Variants in CDH13 observed in about 807,000 individuals in gnomAD.
CDH13 encodes cadherin 13.
CDH13 carries 24 observed loss-of-function variants against 63.8 expected under a neutral mutation model. That is an observed-to-expected ratio of 0.38 (90% CI 0.27 to 0.53). The LOEUF (loss-of-function observed/expected upper bound fraction) is 0.53, where lower values mean the gene tolerates loss of function less well. CDH13 is among the 20% of genes least tolerant of loss of function. The probability of loss-of-function intolerance (pLI) is 0.85; values close to 1 mark genes in which losing one functional copy is unlikely to be tolerated. For missense variants in CDH13, 1,049 were observed against 903.1 expected, an observed-to-expected ratio of 1.16 and a Z score of -2.07; for synonymous variants, 503 against 355.3, an observed-to-expected ratio of 1.42 and a Z score of -4.67.
intron 4 of CDH13, among the ~76,000 whole-genome samples, chr16:83,202,509 T>C (rs897228547): frequency 2.6e-5 from 4 of 152,118 alleles, no homozygotes; most frequent in Admixed American, 1.3e-4. Flanking sequence ...TGTCTACACA[T>C]CCTTCCAATG....
At chr16:82,638,827 T>C (rs748216676) in intron 1 of CDH13, among the ~76,000 whole-genome samples, 6 of 152,208 alleles carry the variant, frequency 3.9e-5, no homozygotes, top group African/African-American at 4.8e-5. Context: ...AGTGTGTGCG[T>C]GTGTGCGTTT....
At chr16:83,607,719 G>A (rs530438534) in intron 8 of CDH13, among the ~76,000 whole-genome samples, 1 of 152,302 alleles carries the variant, frequency 6.6e-6, no homozygotes, top group East Asian at 1.9e-4. Context: ...TCTCTGTGGA[G>A]AGTTTTCTAT....
rs1212152864 is a variant in CDH13, at chr16:83,443,717, AAAAAAAAAAAAAAAAAAAATATATATAT to A, written c.782-42758_782-42731del. Among the ~76,000 whole-genome samples the A allele has an allele frequency of 1.5e-4, 15 of 99,044 alleles. 1 individual carries two copies. Among genetic ancestry groups the A allele is most frequent in the African/African-American group, 7.1e-4 (14 of 19,654 alleles). The allele number at this position is 99,044 out of a possible 152,430, so 65.0% of individuals were successfully genotyped here. Reference sequence around the variant, plus strand: ...GCGAAGTCCCTACGAAAAAAAAAAAAAAAAAAAAAAAAAAAAAAATATATATATATATATATATATATATATGGAGAGA... The same window carrying A: ...GCGAAGTCCCTACGAAAAAAAAAAAAATATATATATATATATATGGAGAGA... On this transcript the variant is annotated intron_variant, in intron 6 of 13. Coordinates refer to ENST00000567109, the MANE Select transcript of CDH13 (RefSeq NM_001257.5).
At chr16:83,163,942 A>C (rs2037554413) in intron 4 of CDH13, among the ~76,000 whole-genome samples, 1 of 152,172 alleles carries the variant, frequency 6.6e-6, no homozygotes, top group African/African-American at 2.4e-5. Context: ...AAATGTATTA[A>C]TTATGAACAT....
At chr16:83,073,202 G>C (rs1388911002) in intron 3 of CDH13, among the ~76,000 whole-genome samples, 1 of 152,058 alleles carries the variant, frequency 6.6e-6, no homozygotes, top group Non-Finnish European at 1.5e-5. Context: ...TTGGATTTGA[G>C]TACAGGTCGT....
At chr16:82,879,150 G>A (rs2040606549) in intron 2 of CDH13, among the ~76,000 whole-genome samples, 1 of 152,082 alleles carries the variant, frequency 6.6e-6, no homozygotes, top group South Asian at 2.1e-4. Flanking sequence ...TCACAGCTCT[G>A]GTCCTCATAG....
intron 8 of CDH13, among the ~76,000 whole-genome samples, chr16:83,614,009 AGATAC>A (rs1909079467): frequency 6.6e-6 from 1 of 152,190 alleles, no homozygotes; most frequent in Non-Finnish European, 1.5e-5. Flanking sequence ...ATCCATTAAT[AGATAC>A]TTCTGAGTCT....
At chr16:83,294,296 T>C (rs1447216015) in intron 5 of CDH13, among the ~76,000 whole-genome samples, 1 of 152,218 alleles carries the variant, frequency 6.6e-6, no homozygotes, top group Non-Finnish European at 1.5e-5. Context: ...TTGTTATTCA[T>C]TGTAGTTGCC....
At chr16:82,721,956 C>G (rs1281381078) in intron 1 of CDH13, among the ~76,000 whole-genome samples, 1 of 152,106 alleles carries the variant, frequency 6.6e-6, no homozygotes, top group Non-Finnish European at 1.5e-5. Context: ...TGGGGCGTGT[C>G]ACATGCTTGA....
chr16:83,025,024 G>T (rs1472350103), intron 2 of CDH13, among the ~76,000 whole-genome samples: 1 of 152,176 alleles, frequency 6.6e-6, no homozygotes, highest in Admixed American at 6.5e-5. Context: ...TAGAAGGAAT[G>T]ACAGAGGAGG....
At chr16:83,421,461 T>A (rs1372887776) in intron 6 of CDH13, among the ~76,000 whole-genome samples, 1 of 152,340 alleles carries the variant, frequency 6.6e-6, no homozygotes, top group South Asian at 2.1e-4. Context: ...GCATGTTGAC[T>A]TCTTGTCCCT....
chr16:82,983,981 C>T (rs937958875), intron 2 of CDH13, among the ~76,000 whole-genome samples: 23 of 152,192 alleles, frequency 1.5e-4, no homozygotes, highest in Admixed American at 3.9e-4. Flanking sequence ...GCCATAGATA[C>T]AAGGACTTTC....
At chr16:83,791,502 A>G (rs1034631680) in intron 13 of CDH13, among the ~76,000 whole-genome samples, 1 of 151,972 alleles carries the variant, frequency 6.6e-6, no homozygotes. Flanking sequence ...TCTCAAAAAA[A>G]TAAAAATAAA....
chr16:82,640,348 ACT>A (rs1567580456), intron 1 of CDH13, among the ~76,000 whole-genome samples: 1 of 151,916 alleles, frequency 6.6e-6, no homozygotes, highest in Non-Finnish European at 1.5e-5. Context: ...ACTTTTGTCA[ACT>A]CTCTACTTTT....
intron 6 of CDH13, among the ~76,000 whole-genome samples, chr16:83,389,262 T>G (rs2091738166): frequency 6.6e-6 from 1 of 152,242 alleles, no homozygotes; most frequent in African/African-American, 2.4e-5. Context: ...ATTGCCATAG[T>G]TGTTATTTTA....
chr16:83,557,299 A>G (rs1174095707), intron 7 of CDH13, among the ~76,000 whole-genome samples: 5 of 152,186 alleles, frequency 3.3e-5, no homozygotes, highest in South Asian at 2.1e-4. Context: ...GGCGAGTTGT[A>G]TAATTATTTC....
intron 10 of CDH13, among the ~76,000 whole-genome samples, chr16:83,713,189 C>G (rs1035412897): frequency 7.9e-5 from 12 of 152,346 alleles, no homozygotes; most frequent in Admixed American, 7.8e-4. Flanking sequence ...ACTTCATTCA[C>G]TGAGGATTCT....
intron 8 of CDH13, among the ~76,000 whole-genome samples, chr16:83,659,220 C>A (rs1913209431): frequency 6.7e-6 from 1 of 148,994 alleles, no homozygotes; most frequent in South Asian, 2.2e-4. Flanking sequence ...GGTCCCATAT[C>A]CTCACCAGCA....
intron 5 of CDH13, among the ~76,000 whole-genome samples, chr16:83,245,530 G>A (rs372440710): frequency 1.3e-5 from 2 of 152,210 alleles, no homozygotes; most frequent in African/African-American, 2.4e-5. Flanking sequence ...TCTAGGCTTC[G>A]AGTTAATAGA....
Sources: allele counts gnomAD v4.1 joint callset (sites outside exome capture counted in the v4.1 genomes callset), GRCh38; gene constraint gnomAD v4.1.1; transcripts MANE v1.5; gene names NCBI Gene and HGNC (gene_info 2026-07-23, HGNC 2026-07-21).